The following SND1 variants were observed in gnomAD, a reference collection of about 807,000 sequenced individuals.
SND1 encodes staphylococcal nuclease domain-containing protein 1.
Under a neutral mutation model 121.7 loss-of-function variants are expected in SND1, and 38 were observed. That is an observed-to-expected ratio of 0.31 (90% CI 0.24 to 0.41). The LOEUF (loss-of-function observed/expected upper bound fraction) is 0.41, where lower values mean the gene tolerates loss of function less well. Among genes scored for constraint, SND1 ranks in the 10% least tolerant of loss-of-function variants. The pLI is 1.00. For missense variants in SND1, 868 were observed against 1,184.6 expected (o/e 0.73, Z 3.92); for synonymous variants, 401 against 447.4 (o/e 0.90, Z 1.31).
At chr7:128,087,533 G>C (rs758168922) in intron 21 of SND1, among the ~76,000 whole-genome samples, 2 of 152,190 alleles carry the variant, frequency 1.3e-5, no homozygotes, top group Non-Finnish European at 2.9e-5. Context: ...GGAGACAATT[G>C]TAACAGTCCA....
At chr7:127,821,317 A>G (rs922910734) in intron 11 of SND1, among the ~76,000 whole-genome samples, 2 of 152,110 alleles carry the variant, frequency 1.3e-5, no homozygotes, top group Non-Finnish European at 2.9e-5. Flanking sequence ...GTGCTTGGCC[A>G]TTGTTTCAGT....
chr7:127,717,645 A>G (rs1796413639), intron 9 of SND1, among the ~76,000 whole-genome samples: 1 of 152,214 alleles, frequency 6.6e-6, no homozygotes, highest in Non-Finnish European at 1.5e-5. Context: ...TCATGATTTC[A>G]GAGAGGAGAA....
intron 10 of SND1, among the ~76,000 whole-genome samples, chr7:127,768,374 T>C (rs545654103): frequency 6.6e-6 from 1 of 152,320 alleles, no homozygotes; most frequent in East Asian, 1.9e-4. Flanking sequence ...GTTTTGGGTA[T>C]GCTCAGTGAC....
At chr7:127,780,653 T>C (rs1797702235) in intron 10 of SND1, among the ~76,000 whole-genome samples, 1 of 152,260 alleles carries the variant, frequency 6.6e-6, no homozygotes, top group Non-Finnish European at 1.5e-5. Context: ...CCCAGTGTTC[T>C]CTGTTTAGGG....
chr7:127,936,743 A>G (rs1801070332), intron 15 of SND1, among the ~76,000 whole-genome samples: 1 of 151,966 alleles, frequency 6.6e-6, no homozygotes, highest in Non-Finnish European at 1.5e-5. Flanking sequence ...ACAGGGTCTC[A>G]ACTGTGTTGC....
intron 16 of SND1, among the ~76,000 whole-genome samples, chr7:128,005,528 T>C (rs1432604494): frequency 6.6e-6 from 1 of 152,210 alleles, no homozygotes; most frequent in Non-Finnish European, 1.5e-5. Context: ...TTGATTCAAG[T>C]GATGGCAAGA....
chr7:127,853,153 A>C (rs1444899950), intron 12 of SND1, among the ~76,000 whole-genome samples: 1 of 152,136 alleles, frequency 6.6e-6, no homozygotes, highest in Non-Finnish European at 1.5e-5. Context: ...GAAATTGTCG[A>C]GGGAAAGAGG....
At chr7:127,964,169 A>C (rs1801802080) in intron 15 of SND1, among the ~76,000 whole-genome samples, 1 of 149,940 alleles carries the variant, frequency 6.7e-6, no homozygotes, top group Non-Finnish European at 1.5e-5. Context: ...TTGTCAGATG[A>C]GTAGGTTGCA....
At chr7:127,782,056 T>C (rs1000784816) in intron 10 of SND1, among the ~76,000 whole-genome samples, 16 of 152,202 alleles carry the variant, frequency 1.1e-4, no homozygotes, top group Non-Finnish European at 1.6e-4. Flanking sequence ...CCTAGTTAGG[T>C]TGCATATCTT....
intron 11 of SND1, among the ~76,000 whole-genome samples, chr7:127,842,332 C>G (rs1584611670): frequency 6.6e-6 from 1 of 152,176 alleles, no homozygotes; most frequent in Middle Eastern, 3.2e-3. Flanking sequence ...CCTACAACTT[C>G]ATTCTGTGAA....
At position 127,918,356 on chromosome 7, in the gene SND1, G is replaced by A. The variant is rs201161579; in HGVS notation, c.1528-10832G>A. Among the ~76,000 whole-genome samples, 11 of 151,934 alleles carry A rather than the reference G, an allele frequency of 7.2e-5. No individual in the cohort carries two copies. The East Asian group carries it at 1.7e-3, about 24-fold the overall frequency. On this transcript the variant is annotated intron_variant, in intron 14 of 23. Transcript: ENST00000354725. Reference sequence around the variant, plus strand: ...TCTGAGATTACAGGCGTGAGTCACCGCCCCCAGATGACTTTTTTTCTTTTA... The same window carrying A: ...TCTGAGATTACAGGCGTGAGTCACCACCCCCAGATGACTTTTTTTCTTTTA...
intron 12 of SND1, among the ~76,000 whole-genome samples, chr7:127,849,616 T>C (rs1046387516): frequency 4.6e-5 from 7 of 152,178 alleles, no homozygotes; most frequent in African/African-American, 1.7e-4. Flanking sequence ...TATTTCAGGA[T>C]GATAGGAAAC....
At chr7:127,760,015 C>G (rs1353126799) in intron 10 of SND1, among the ~76,000 whole-genome samples, 2 of 152,218 alleles carry the variant, frequency 1.3e-5, no homozygotes, top group African/African-American at 4.8e-5. Context: ...TACTTGGGCT[C>G]TTGTCTCTCC....
chr7:127,909,656 C>G (rs1277463505), intron 14 of SND1, among the ~76,000 whole-genome samples: 1 of 152,056 alleles, frequency 6.6e-6, no homozygotes, highest in East Asian at 1.9e-4. Flanking sequence ...AATCTGAAAC[C>G]CCTGGCCTCA....
intron 14 of SND1, among the ~76,000 whole-genome samples, chr7:127,926,643 C>T (rs1046687168): frequency 1.3e-5 from 2 of 148,348 alleles, no homozygotes; most frequent in African/African-American, 5.0e-5. Context: ...AGCTCCGCCT[C>T]TCAGGTTCAT....
Position 128,086,901 on chromosome 7 carries a change from G to A in SND1, c.2305-37G>A, listed in dbSNP as rs373394969. The A allele has an allele frequency of 1.2e-4, 183 of 1,514,642 alleles. 1 individual carries two copies. Among genetic ancestry groups the A allele is most frequent in the South Asian group, 1.1e-3 (95 of 89,132 alleles). 93.8% of individuals were successfully genotyped at this position (1,514,642 alleles called of 1,614,324 possible). ...TCCTGTGAGAGAGCAAGGGGGCAGC[G>A]AGTATGTGACATGTTGGCCTGCTGC... On this transcript the variant is annotated intron_variant, in intron 20 of 23. Coordinates refer to ENST00000354725, the MANE Select transcript of SND1 (RefSeq NM_014390.4).
intron 8 of SND1, among the ~76,000 whole-genome samples, chr7:127,707,328 CA>C (rs1358197372): frequency 6.6e-6 from 1 of 152,166 alleles, no homozygotes; most frequent in African/African-American, 2.4e-5. Context: ...CATCTAGGCT[CA>C]AAAAATTGTA....
At chr7:128,088,618 A>C (rs955292358) in intron 21 of SND1, among the ~76,000 whole-genome samples, 4 of 151,802 alleles carry the variant, frequency 2.6e-5, no homozygotes, top group African/African-American at 9.7e-5. Context: ...ACGCCCAGCT[A>C]ATTTTTGTAT....
In SND1 at chr7:127,904,818, G is replaced by T; in HGVS notation, c.1526G>T (p.Gly509Val). ...VPIHRVADIS[G>V]DTQKAKQFLP... Reference sequence around the variant, plus strand: ...ATCCACCGTGTTGCAGATATATCTGGGGTGAGTCGAGTCCCTGAATCAAGC... The same window carrying T: ...ATCCACCGTGTTGCAGATATATCTGTGGTGAGTCGAGTCCCTGAATCAAGC... Residue 509 changes from glycine to valine, a missense_variant and splice_region_variant, in exon 14 of 24, where the codon GGG (glycine) becomes GTG (valine). By Grantham distance (109) the Gly-to-Val change is moderately radical (BLOSUM62 -3). Around this residue, in one of 2 missense-constraint regions of SND1, gnomAD observed 743 missense variants for 1,071.3 expected, o/e 0.69. Transcript: ENST00000354725. The T allele has an allele frequency of 1.3e-6, 2 of 1,599,234 alleles. No individual in the cohort carries two copies. The highest frequency in any genetic ancestry group is 1.7e-6 in the Non-Finnish European group (2 of 1,166,650).
Sources: gnomAD v4.1 joint callset for allele counts (sites outside exome capture counted in the v4.1 genomes callset) on GRCh38, gnomAD v4.1.1 for gene constraint, gnomAD v4.1.1 regional missense constraint, MANE v1.5 for transcripts, NCBI Gene and HGNC (gene_info 2026-07-23, HGNC 2026-07-21) for gene names.